CAMTA2: variants seen among roughly 807,000 people sequenced by gnomAD.
CAMTA2 encodes calmodulin binding transcription activator 2.
CAMTA2 carries 56 observed loss-of-function variants against 135.7 expected under a neutral mutation model. That is an observed-to-expected ratio of 0.41 (90% CI 0.33 to 0.52). The LOEUF is 0.52. Ranked by LOEUF, CAMTA2 falls within the 20% of genes least tolerant of loss-of-function variation. The pLI, the probability that CAMTA2 is intolerant of heterozygous loss-of-function variation, is 0.16. For missense variants in CAMTA2, 1,358 were observed against 1,553.4 expected (o/e 0.87, Z 2.11); for synonymous variants, 591 against 604.6 (o/e 0.98, Z 0.33).
rs116017761 is a variant in CAMTA2 at position 4,978,114 on chromosome 17, C to T, written c.1765+390G>A. Among the ~76,000 whole-genome samples, 1,038 of 152,270 alleles carry T rather than the reference C, an allele frequency of 6.8e-3. 3 individuals carry two copies. Among genetic ancestry groups the T allele is most frequent in the Middle Eastern group, 0.024 (7 of 294 alleles). On this transcript the variant is annotated intron_variant, in intron 10 of 22. Coordinates refer to ENST00000348066, the MANE Select transcript of CAMTA2 (RefSeq NM_015099.4). ...AGTCCCAAGACTGGTTAGAGGAAACCCACATTTCTTCTTTCTCATTCCCCC... is the reference window on the plus strand; with the variant it reads ...AGTCCCAAGACTGGTTAGAGGAAACTCACATTTCTTCTTTCTCATTCCCCC...
rs1185561753 is a variant in CAMTA2, at chr17:4,977,137, A to T, written c.1821T>A (p.Ser607=). The T allele has an allele frequency of 6.2e-7, 1 of 1,614,036 alleles. No homozygotes were observed. The highest frequency in any genetic ancestry group is 8.5e-7 in the Non-Finnish European group (1 of 1,180,012). Residue 607 remains serine (S), a synonymous_variant, in exon 11 of 23, where the codon TCT becomes TCA. Coordinates refer to ENST00000348066, the MANE Select transcript of CAMTA2 (RefSeq NM_015099.4). ...LQVAGREGPL[S]ASVLFEYRAR... ...CTCGATACTCAAAGAGCACAGAAGC[A>T]GAAAGGGGCCCCTCCCGCCCTGCCA... is the stretch of plus-strand genomic sequence containing the variant.
At chr17:4,987,056 T>G in intron 1 of CAMTA2, 1 of 1,407,166 alleles carries the variant, frequency 7.1e-7, no homozygotes, top group Non-Finnish European at 9.2e-7. Context: ...GTGTCCAGGA[T>G]GGAGATGGGA....
intron 11 of CAMTA2, 102 bp from the exon 12 acceptor site, chr17:4,974,602 C>A: frequency 1.4e-6 from 1 of 722,892 alleles, no homozygotes; most frequent in Non-Finnish European, 2.5e-6. Context: ...GACACAGAAC[C>A]ATATTCTTTT....
rs1405862237 is a variant in CAMTA2, at chr17:4,968,207, C to G, written c.*549G>C. The G allele has an allele frequency of 3.9e-6, 1 of 258,134 alleles. No individual in the cohort carries two copies. Among genetic ancestry groups the G allele is most frequent in the Admixed American group, 5.0e-5 (1 of 19,912 alleles). 16.0% of individuals were successfully genotyped at this position (258,134 alleles called of 1,614,324 possible). On this transcript the variant is annotated 3_prime_UTR_variant, in exon 23 of 23. Coordinates refer to ENST00000348066, the MANE Select transcript of CAMTA2 (RefSeq NM_015099.4). ...CTCCCCTCGGGGGACGGGGCGGACT[C>G]CGCAACGCGTTCCTATGTACACCAC...
chr17:4,972,203 C>T, intron 16 of CAMTA2, 29 bp downstream of exon 16: 1 of 1,583,454 alleles, frequency 6.3e-7, no homozygotes, highest in Non-Finnish European at 8.6e-7. Context: ...CACTTCTAGC[C>T]CCCATAACTC....
At chr17:4,974,044 A>G in intron 12 of CAMTA2, 1 of 534,322 alleles carries the variant, frequency 1.9e-6, no homozygotes, top group Non-Finnish European at 3.3e-6. Flanking sequence ...TCCCCCTCAG[A>G]AGCCAGAGCC....
chr17:4,986,485 G>C, intron 1 of CAMTA2, 199 bp from the exon 2 acceptor site: 1 of 561,214 alleles, frequency 1.8e-6, no homozygotes, highest in Non-Finnish European at 3.1e-6. Flanking sequence ...GAGCAGACTG[G>C]ACAGGAAGAG....
chr17:4,969,743 G>A lies in CAMTA2; in HGVS notation c.3190-42C>T, dbSNP rs530998737. On this transcript the variant is annotated intron_variant, in intron 18 of 22. Coordinates refer to ENST00000348066, the MANE Select transcript of CAMTA2 (RefSeq NM_015099.4). This position sits in a 1 kb window ranked among gnomAD's most constrained non-coding sequence, Gnocchi z 5.6. ...CTCACCACCTCATGACCCACATAAT[G>A]GCATATCTGACTTGTCCCTTCAACT... The A allele has an allele frequency of 5.0e-6, 8 of 1,610,322 alleles. No individual in the cohort carries two copies. The highest frequency in any genetic ancestry group is 6.8e-6 in the Non-Finnish European group (8 of 1,177,114).
intron 10 of CAMTA2, among the ~76,000 whole-genome samples, chr17:4,978,272 C>T (rs528530427): frequency 1.3e-5 from 2 of 152,310 alleles, no homozygotes; most frequent in East Asian, 3.9e-4. Context: ...TCTGAGGTCA[C>T]TGGTTAGCTA....
Position 4,976,221 on chromosome 17 carries a change from G to T in CAMTA2, c.1900+837C>A, listed in dbSNP as rs1317369374. On this transcript the variant is annotated intron_variant, in intron 11 of 22. Transcript: ENST00000348066. ...GGGTTTCACCATATTTGCCAGGCTGGTCTCAAACTCCTGACCTCAGGTGAT... is the reference window on the plus strand; with the variant it reads ...GGGTTTCACCATATTTGCCAGGCTGTTCTCAAACTCCTGACCTCAGGTGAT... Among the ~76,000 whole-genome samples, 5 of 152,056 alleles carry T rather than the reference G, an allele frequency of 3.3e-5. 1 individual carries two copies. Among genetic ancestry groups the T allele is most frequent in the South Asian group, 4.2e-4 (2 of 4,816 alleles).
chr17:4,974,293 G>A, intron 12 of CAMTA2, 92 bp downstream of exon 12: 1 of 794,644 alleles, frequency 1.3e-6, no homozygotes, highest in South Asian at 1.5e-5. Context: ...GGGGACAGGA[G>A]AGGGAGGAGA....
chr17:4,979,798 G>T lies in CAMTA2; in HGVS notation c.1524C>A (p.Asp508Glu), dbSNP rs770669068. The change falls in exon 9 of 23, where the codon GAC becomes GAA. Residue 508 changes from aspartate to glutamate, a missense_variant. By Grantham distance (45) the Asp-to-Glu change is conservative. Transcript: ENST00000348066. ...CGTCACTGATGAGTTCTCCCATAAG[G>T]TCTGGGAATGATGAAAGACTGAAGG... ...LEPFSLSSFP[D>E]LMGELISDEA... The T allele has an allele frequency of 1.2e-6, 2 of 1,613,854 alleles. No individual in the cohort carries two copies. Among genetic ancestry groups the T allele is most frequent in the African/African-American group, 1.3e-5 (1 of 74,988 alleles).
At position 4,974,495 on chromosome 17, in the gene CAMTA2, G is replaced by C; in HGVS notation, c.1906C>G (p.Gln636Glu). Residue 636 changes from glutamine (Q) to glutamate (E), a missense_variant, in exon 12 of 23, where the codon CAG becomes GAG. Transcript: ENST00000348066. Reference sequence around the variant, plus strand: ...CGCTCTAGTATGGACATCCGGAACTGGTTGTCTGAGGGGGAACGGGTATGG... The same window carrying C: ...CGCTCTAGTATGGACATCCGGAACTCGTTGTCTGAGGGGGAACGGGTATGG... Reference protein sequence around the residue: ...QLDWLSLDDNQFRMSILERLE... With the variant: ...QLDWLSLDDNEFRMSILERLE... 1 of 1,609,336 alleles carries C rather than the reference G, an allele frequency of 6.2e-7. No individual in the cohort carries two copies.
At position 4,973,607 on chromosome 17, in the gene CAMTA2, T is replaced by G. The variant is rs1308839409; in HGVS notation, c.2179A>C (p.Ile727Leu). 3.5e-5 allele frequency: 56 copies of G among 1,613,158 alleles called. No individual in the cohort carries two copies. Among genetic ancestry groups the G allele is most frequent in the Non-Finnish European group, 4.6e-5 (54 of 1,179,872 alleles). Reference protein sequence around the residue: ...LAAAQGYARLIETLSQWRSVE... With the variant: ...LAAAQGYARLLETLSQWRSVE... ...CACCGCCACTGGCTCAGGGTCTCGATGAGGCGGGCATAGCCCTGGGCAGCA... is the reference window on the plus strand; with the variant it reads ...CACCGCCACTGGCTCAGGGTCTCGAGGAGGCGGGCATAGCCCTGGGCAGCA... Residue 727 changes from isoleucine to leucine, a missense_variant, in exon 13 of 23, where the codon ATC (isoleucine) becomes CTC (leucine). By Grantham distance (5) the Ile-to-Leu change is conservative. Coordinates refer to ENST00000348066, the MANE Select transcript of CAMTA2 (RefSeq NM_015099.4).
rs1268891318 is a variant in CAMTA2, at chr17:4,970,488, G to A, written c.2857C>T (p.Arg953Trp). The A allele has an allele frequency of 4.3e-6, 7 of 1,613,822 alleles. No homozygotes were observed. Among genetic ancestry groups the A allele is most frequent in the South Asian group, 2.2e-5 (2 of 91,084 alleles). ...CCCACGAAGTCCTCTCGTTTAATCC[G>A]CTCCGGTGTGGCTTCGATGATCTGC... is the stretch of plus-strand genomic sequence containing the variant. ...AKQIIEATPE[R>W]IKREDFVGLP... The change falls in exon 17 of 23, where the codon CGG becomes TGG. Residue 953 changes from arginine to tryptophan, a missense_variant. Arg to Trp is a moderately radical substitution (Grantham distance 101). This residue lies in a region of CAMTA2 where 1,077 missense variants were observed against 1,127.5 expected (regional missense o/e 0.96). Coordinates refer to ENST00000348066, the MANE Select transcript of CAMTA2 (RefSeq NM_015099.4).
chr17:4,981,417 T>C, intron 7 of CAMTA2, 58 bp from the exon 8 acceptor site: 1 of 1,591,950 alleles, frequency 6.3e-7, no homozygotes, highest in Non-Finnish European at 8.6e-7. Context: ...CCAGAGTACC[T>C]TGATGGCTCC....
At chr17:4,987,307 T>A (rs1973414873) in intron 1 of CAMTA2, 1 of 1,344,732 alleles carries the variant, frequency 7.4e-7, no homozygotes, top group Non-Finnish European at 9.5e-7. Context: ...TAGAGGGATG[T>A]TCTGGAGAAG....
chr17:4,969,182 G>C lies in CAMTA2; in HGVS notation c.3438C>G (p.His1146Gln), dbSNP rs368954349. The C allele has an allele frequency of 5.5e-5, 88 of 1,610,836 alleles. No homozygotes were observed. Among genetic ancestry groups the C allele is most frequent in the Non-Finnish European group, 7.3e-5 (86 of 1,179,500 alleles). Reference protein sequence around the residue: ...RSYRRRPGPPHRTSATLPARN... With the variant: ...RSYRRRPGPPQRTSATLPARN... ...GGGCAGGCAGGGTGGCCGAAGTCCG[G>C]TGGGGAGGGCCGGGCCTGCGGCGGT... Residue 1146 changes from histidine (H) to glutamine (Q), a missense_variant, in exon 21 of 23, where the codon CAC (histidine) becomes CAG (glutamine). This residue lies in a region of CAMTA2 where 167 missense variants were observed against 207.0 expected (regional missense o/e 0.81). Coordinates refer to ENST00000348066, the MANE Select transcript of CAMTA2 (RefSeq NM_015099.4). The surrounding 1 kb of genome is among the most constrained non-coding windows in gnomAD (Gnocchi z 5.6).
Position 4,979,743 on chromosome 17 carries a change from G to C in CAMTA2, c.1579C>G (p.Gln527Glu). The change falls in exon 9 of 23, where the codon CAG becomes GAG. Residue 527 changes from glutamine (Q) to glutamate (E), a missense_variant. Transcript: ENST00000348066. ...ATGGTGCTAAGAGCAGGAGACAGCT[G>C]GGGGGTCGGAGCAGGGATGCTTGGA... ...EAPSIPAPTP[Q>E]LSPALSTITD... 3 of 1,614,020 alleles carry C rather than the reference G, an allele frequency of 1.9e-6. No homozygotes were observed. The highest frequency in any genetic ancestry group is 1.1e-5 in the South Asian group (1 of 91,082).
Sources: allele counts gnomAD v4.1 joint callset (sites outside exome capture counted in the v4.1 genomes callset), GRCh38; gene constraint gnomAD v4.1.1; regional missense constraint gnomAD v4.1.1; non-coding constraint Gnocchi (gnomAD v3.1); transcripts MANE v1.5; gene names NCBI Gene and HGNC (gene_info 2026-07-23, HGNC 2026-07-21).